Variants in CDC42EP3 observed in about 807,000 individuals in gnomAD.
The protein encoded by CDC42EP3 is CDC42 effector protein (Rho GTPase binding) 3.
Under a neutral mutation model 15.5 loss-of-function variants are expected in CDC42EP3, and 4 were observed. That is an observed-to-expected ratio of 0.26 (90% CI 0.13 to 0.59). The LOEUF (loss-of-function observed/expected upper bound fraction) is 0.59. Ranked by LOEUF, CDC42EP3 falls within the 20% of genes least tolerant of loss-of-function variation. The pLI is 0.89. For synonymous variants in CDC42EP3, 145 were observed against 130.3 expected (o/e 1.11, Z -0.77); for missense variants, 309 against 311.2 (o/e 0.99, Z 0.05).
At chr2:37,659,691 T>C (rs1665995346) in intron 1 of CDC42EP3, among the ~76,000 whole-genome samples, 1 of 152,204 alleles carries the variant, frequency 6.6e-6, no homozygotes, top group African/African-American at 2.4e-5. Context: ...AACTTGCTCT[T>C]TTCTCTTTTC....
Position 37,646,058 on chromosome 2 carries a change from G to A in CDC42EP3, c.530C>T (p.Ser177Phe), listed in dbSNP as rs1665446538. Residue 177 changes from serine to phenylalanine, a missense_variant, in exon 2 of 2, where the codon TCT (serine) becomes TTT (phenylalanine). By Grantham distance (155) the Ser-to-Phe change is radical. Coordinates refer to ENST00000295324, the MANE Select transcript of CDC42EP3 (RefSeq NM_006449.5). ...TCTGCCTTGGCTGGACTGAGATGCAGAACCGCTGGAGCCCCACGAGGTGTC... is the reference window on the plus strand; with the variant it reads ...TCTGCCTTGGCTGGACTGAGATGCAAAACCGCTGGAGCCCCACGAGGTGTC... The part of the protein sequence containing the change: ...QGDTSWGSSG[S>F]ASQSSQGRDS... 1 of 1,614,192 alleles carries A rather than the reference G, an allele frequency of 6.2e-7. No homozygotes were observed. Among genetic ancestry groups the A allele is most frequent in the Non-Finnish European group, 8.5e-7 (1 of 1,180,022 alleles).
intron 1 of CDC42EP3, among the ~76,000 whole-genome samples, chr2:37,670,477 G>C (rs1244765232): frequency 1.4e-5 from 2 of 146,210 alleles, no homozygotes; most frequent in Non-Finnish European, 3.0e-5. Flanking sequence ...ATTTTAATTC[G>C]CTCACTTTTT....
chr2:37,656,766 G>A (rs1665860887), intron 1 of CDC42EP3, among the ~76,000 whole-genome samples: 1 of 152,104 alleles, frequency 6.6e-6, no homozygotes, highest in African/African-American at 2.4e-5. Context: ...GCACCAAGAG[G>A]AAATGACACA....
rs1665392900 is a variant in CDC42EP3, at chr2:37,644,879, T to C, written c.*944A>G. ...TTTATTGTGTTGCTTGAAGTACCTATGTAATGCAAGTATGTACTGTACTAA... is the reference window on the plus strand; with the variant it reads ...TTTATTGTGTTGCTTGAAGTACCTACGTAATGCAAGTATGTACTGTACTAA... On this transcript the variant is annotated 3_prime_UTR_variant, in exon 2 of 2. Coordinates refer to ENST00000295324, the MANE Select transcript of CDC42EP3 (RefSeq NM_006449.5). 6.7e-6 allele frequency: 1 copy of C among 148,418 alleles called. No individual in the cohort carries two copies. The highest frequency in any genetic ancestry group is 6.7e-5 in the Admixed American group (1 of 14,998). 9.2% of individuals were successfully genotyped at this position (148,418 alleles called of 1,614,324 possible). A position where few individuals can be genotyped will look rare whatever the true frequency, so the allele number is the denominator to read the frequency against.
intron 1 of CDC42EP3, among the ~76,000 whole-genome samples, chr2:37,651,676 A>G (rs768888605): frequency 6.6e-6 from 1 of 152,250 alleles, no homozygotes; most frequent in Non-Finnish European, 1.5e-5. Flanking sequence ...AAGGAAAGTG[A>G]GAAAATTCAA....
At chr2:37,652,409 C>G (rs1034016171) in intron 1 of CDC42EP3, among the ~76,000 whole-genome samples, 3 of 152,074 alleles carry the variant, frequency 2.0e-5, no homozygotes, top group Admixed American at 6.5e-5. Context: ...CAGACTACAA[C>G]TAGGGAGCGG....
chr2:37,670,529 G>C (rs1666378044), intron 1 of CDC42EP3, among the ~76,000 whole-genome samples: 1 of 147,810 alleles, frequency 6.8e-6, no homozygotes, highest in Non-Finnish European at 1.5e-5. Flanking sequence ...TTGACTGTCA[G>C]CCTAGGCTGC....
chr2:37,664,254 C>G (rs1433728840), intron 1 of CDC42EP3, among the ~76,000 whole-genome samples: 2 of 152,166 alleles, frequency 1.3e-5, no homozygotes, highest in African/African-American at 4.8e-5. Flanking sequence ...TCATTTTTCT[C>G]CCGTGCTGGA....
chr2:37,655,248 A>G (rs1665811576), intron 1 of CDC42EP3, among the ~76,000 whole-genome samples: 1 of 152,356 alleles, frequency 6.6e-6, no homozygotes, highest in East Asian at 1.9e-4. Context: ...AGTCTGATAC[A>G]TCTCACCTTC....
intron 1 of CDC42EP3, among the ~76,000 whole-genome samples, chr2:37,661,133 GTGTGTAT>G (rs1418688801): frequency 6.7e-6 from 1 of 149,780 alleles, no homozygotes; most frequent in African/African-American, 2.4e-5. Flanking sequence ...GTGTGTGCGT[GTGTGTAT>G]AGTGTGTGTA....
At chr2:37,660,543 C>A (rs1001109106) in intron 1 of CDC42EP3, among the ~76,000 whole-genome samples, 1 of 152,192 alleles carries the variant, frequency 6.6e-6, no homozygotes, top group East Asian at 1.9e-4. Flanking sequence ...GACCTTAAGA[C>A]ATAAATAAAT....
At chr2:37,651,947 G>A (rs1444556712) in intron 1 of CDC42EP3, among the ~76,000 whole-genome samples, 27 of 151,754 alleles carry the variant, frequency 1.8e-4, no homozygotes, top group African/African-American at 5.8e-4. Flanking sequence ...AGGCCGAGGC[G>A]GGCAGATCAC....
intron 1 of CDC42EP3, among the ~76,000 whole-genome samples, chr2:37,665,278 C>G (rs571895371): frequency 6.6e-6 from 1 of 152,274 alleles, no homozygotes; most frequent in African/African-American, 2.4e-5. Flanking sequence ...ACACACTTCT[C>G]TGGCCTCCCT....
intron 1 of CDC42EP3, among the ~76,000 whole-genome samples, chr2:37,651,407 C>G (rs529282824): frequency 6.6e-6 from 1 of 152,132 alleles, no homozygotes; most frequent in Non-Finnish European, 1.5e-5. Flanking sequence ...TTATACATGG[C>G]TGTTAGGTCC....
intron 1 of CDC42EP3, among the ~76,000 whole-genome samples, chr2:37,666,096 C>T (rs78165574): frequency 6.6e-6 from 1 of 152,172 alleles, no homozygotes; most frequent in South Asian, 2.1e-4. Context: ...ACATCCTCAT[C>T]GCTCTCTTCC....
Position 37,645,861 on chromosome 2 carries a change from A to G in CDC42EP3, c.727T>C (p.Leu243=), listed in dbSNP as rs748079963. Residue 243 remains leucine (L), a synonymous_variant, in exon 2 of 2, where the codon TTG becomes CTG. Transcript: ENST00000295324. The part of the protein sequence containing the change: ...SLQLDLGPSL[L]DEVLNVMDKN... ...TCCATTACATTCAGCACCTCATCCA[A>G]AAGTGAGGGCCCAAGATCAAGCTGC... 2 of 1,566,348 alleles carry G rather than the reference A, an allele frequency of 1.3e-6. No individual in the cohort carries two copies. The highest frequency in any genetic ancestry group is 2.0e-5 in the Admixed American group (1 of 49,200).
intron 1 of CDC42EP3, among the ~76,000 whole-genome samples, chr2:37,664,160 T>C (rs557353353): frequency 5.3e-4 from 80 of 151,766 alleles, no homozygotes; most frequent in African/African-American, 1.8e-3. Flanking sequence ...GGCGACAGAG[T>C]GAGACTCCAT....
intron 1 of CDC42EP3, among the ~76,000 whole-genome samples, chr2:37,663,584 G>T (rs1275293881): frequency 6.6e-6 from 1 of 152,170 alleles, no homozygotes; most frequent in Non-Finnish European, 1.5e-5. Flanking sequence ...TTTCCACAGG[G>T]CCCGCAGATG....
intron 1 of CDC42EP3, among the ~76,000 whole-genome samples, chr2:37,655,140 A>G (rs1665808605): frequency 2.6e-5 from 4 of 152,198 alleles, no homozygotes; most frequent in Admixed American, 2.6e-4. Flanking sequence ...AAGCTTCAAG[A>G]CTATGAAACT....
Sources: gnomAD v4.1 joint callset for allele counts (sites outside exome capture counted in the v4.1 genomes callset) on GRCh38, gnomAD v4.1.1 for gene constraint, MANE v1.5 for transcripts, NCBI Gene and HGNC (gene_info 2026-07-23, HGNC 2026-07-21) for gene names.